The following PRLR variants were observed in gnomAD, a reference collection of about 807,000 sequenced individuals.
PRLR encodes prolactin receptor.
A neutral mutation model predicts 40.2 loss-of-function variants in PRLR; 13 were observed. The observed-to-expected ratio is 0.32, with a 90% CI of 0.21 to 0.51. The LOEUF (loss-of-function observed/expected upper bound fraction) is 0.51, where lower values mean the gene tolerates loss of function less well. Ranked by LOEUF, PRLR falls within the 20% of genes least tolerant of loss-of-function variation. The probability of loss-of-function intolerance (pLI) is 0.97; values close to 1 mark genes in which losing one functional copy is unlikely to be tolerated. For missense variants in PRLR, 656 were observed against 747.3 expected, an observed-to-expected ratio of 0.88 and a Z score of 1.42; for synonymous variants, 269 against 278.7, an observed-to-expected ratio of 0.97 and a Z score of 0.35.
Position 35,063,556 on chromosome 5 carries a change from A to G in PRLR, c.*1533T>C, listed in dbSNP as rs1301491795. The G allele has an allele frequency of 6.6e-6, 1 of 152,180 alleles. No individual in the cohort carries two copies. The highest frequency in any genetic ancestry group is 2.4e-5 in the African/African-American group (1 of 41,436). The allele number at this position is 152,180 out of a possible 1,614,324, so 9.4% of individuals were successfully genotyped here. A position where few individuals can be genotyped will look rare whatever the true frequency, so the allele number is the denominator to read the frequency against. On this transcript the variant is annotated 3_prime_UTR_variant, in exon 10 of 10. Coordinates refer to ENST00000618457, the MANE Select transcript of PRLR (RefSeq NM_000949.7). The stretch of plus-strand genomic sequence containing the variant: ...TTACCTTACTCTGACCTTTGGAGCT[A>G]TTCCCATTGCTCTGGGAAGCAAATA...
In PRLR at chr5:35,062,483, A is replaced by C. The variant is rs1013617220; in HGVS notation, c.*2606T>G. 6.6e-6 allele frequency: 1 copy of C among 152,090 alleles called. No homozygotes were observed. 9.4% of individuals were successfully genotyped at this position (152,090 alleles called of 1,614,324 possible). On this transcript the variant is annotated 3_prime_UTR_variant, in exon 10 of 10. Coordinates refer to ENST00000618457, the MANE Select transcript of PRLR (RefSeq NM_000949.7). ...ACAAAAAAGCTTAATTCAGATAAAC[A>C]GTGCTAATTGATCATAGAATTAAAG...
chr5:35,190,595 A>G (rs760926915), intron 1 of PRLR, among the ~76,000 whole-genome samples: 3 of 148,396 alleles, frequency 2.0e-5, no homozygotes, highest in African/African-American at 7.4e-5. Context: ...CATGGGTGAC[A>G]GACTGAGACT....
At chr5:35,128,091 C>G (rs985059433) in intron 1 of PRLR, among the ~76,000 whole-genome samples, 8 of 151,858 alleles carry the variant, frequency 5.3e-5, no homozygotes, top group African/African-American at 1.5e-4. Flanking sequence ...TGAAAACATC[C>G]TTTTGACTTA....
chr5:35,157,783 C>T (rs555357451), intron 1 of PRLR, among the ~76,000 whole-genome samples: 1 of 152,350 alleles, frequency 6.6e-6, no homozygotes, highest in South Asian at 2.1e-4. Flanking sequence ...CTTGAAAAGA[C>T]ATCTGTCTTC....
At chr5:35,097,016 C>T (rs1771576555) in intron 2 of PRLR, among the ~76,000 whole-genome samples, 1 of 152,166 alleles carries the variant, frequency 6.6e-6, no homozygotes, top group South Asian at 2.1e-4. Context: ...TTAAAAAAAA[C>T]CTTTCTAGAT....
At chr5:35,146,316 A>G (rs771030781) in intron 1 of PRLR, among the ~76,000 whole-genome samples, 4 of 152,154 alleles carry the variant, frequency 2.6e-5, no homozygotes, top group Non-Finnish European at 4.4e-5. Flanking sequence ...AAATAAATCA[A>G]TTGCAATGCA....
chr5:35,110,530 C>G (rs187479427), intron 2 of PRLR, among the ~76,000 whole-genome samples: 1 of 152,100 alleles, frequency 6.6e-6, no homozygotes, highest in Admixed American at 6.6e-5. Flanking sequence ...TTTCCTCACA[C>G]CGCTCTAAAA....
rs972251707 is a variant in PRLR, at chr5:35,086,097, C to A, written c.203+111G>T. The A allele has an allele frequency of 9.7e-5, 131 of 1,350,148 alleles. No homozygotes were observed. The Middle Eastern group carries it at 1.1e-3, about 12-fold the overall frequency. The allele number at this position is 1,350,148 out of a possible 1,614,324, so 83.6% of individuals were successfully genotyped here. On this transcript the variant is annotated intron_variant, in intron 4 of 9. Transcript: ENST00000618457. ...ACTCCCCTTTCCCCGGTGGTATGAA[C>A]CTTACTGGTGTAAATTCAGGGATGT... is the stretch of plus-strand genomic sequence containing the variant.
Position 35,089,577 on chromosome 5 carries a change from A to C in PRLR, c.44T>G (p.Leu15Arg). Residue 15 changes from leucine to arginine, a missense_variant, in exon 3 of 10, where the codon CTT becomes CGT. This residue lies in a region of PRLR where 180 missense variants were observed against 236.8 expected (regional missense o/e 0.76). Transcript: ENST00000618457. ...VASATVFTLL[L>R]FLNTCLLNGQ... ...ATTCAGAAGGCAGGTGTTGAGAAAA[A>C]GTAGCAGAGTGAAAACGGTTGCAGA... 1.2e-6 allele frequency: 2 copies of C among 1,613,726 alleles called. No individual in the cohort carries two copies. Among genetic ancestry groups the C allele is most frequent in the Non-Finnish European group, 1.7e-6 (2 of 1,179,620 alleles).
At chr5:35,218,010 C>T (rs1037176277) in intron 1 of PRLR, among the ~76,000 whole-genome samples, 2 of 152,136 alleles carry the variant, frequency 1.3e-5, no homozygotes, top group Non-Finnish European at 2.9e-5. Context: ...AAGAAACTTA[C>T]ATTATTGGTT....
chr5:35,068,384 T>C, intron 8 of PRLR, 99 bp from the exon 9 acceptor site: 1 of 1,044,936 alleles, frequency 9.6e-7, no homozygotes, highest in East Asian at 2.4e-5. Context: ...GTGATAGAGA[T>C]AGGACTTGGT....
chr5:35,068,206 C>T lies in PRLR; in HGVS notation c.855+10G>A. On this transcript the variant is annotated intron_variant, in intron 9 of 9. Coordinates refer to ENST00000618457, the MANE Select transcript of PRLR (RefSeq NM_000949.7). Reference sequence around the variant, plus strand: ...GAGTCACACTCCATTTTTTTGCCTCCTGTACTTACCTCCAACAGATGAGCA... The same window carrying T: ...GAGTCACACTCCATTTTTTTGCCTCTTGTACTTACCTCCAACAGATGAGCA... 6.2e-7 allele frequency: 1 copy of T among 1,606,462 alleles called. No homozygotes were observed. Among genetic ancestry groups the T allele is most frequent in the Non-Finnish European group, 8.5e-7 (1 of 1,173,154 alleles).
intron 1 of PRLR, among the ~76,000 whole-genome samples, chr5:35,151,111 C>T (rs1171603570): frequency 6.6e-6 from 1 of 152,146 alleles, no homozygotes; most frequent in Non-Finnish European, 1.5e-5. Flanking sequence ...GCTCTCCTTC[C>T]TTTCTGGGTA....
intron 2 of PRLR, among the ~76,000 whole-genome samples, chr5:35,109,224 G>T (rs1335852155): frequency 6.6e-6 from 1 of 152,110 alleles, no homozygotes; most frequent in East Asian, 1.9e-4. Context: ...ACTCAAGATG[G>T]ATTAAAGACT....
intron 2 of PRLR, among the ~76,000 whole-genome samples, chr5:35,110,219 G>A (rs572490869): frequency 6.6e-6 from 1 of 152,150 alleles, no homozygotes; most frequent in Admixed American, 6.5e-5. Flanking sequence ...GCCTGTCATT[G>A]GATGGGGGGA....
intron 1 of PRLR, among the ~76,000 whole-genome samples, chr5:35,219,933 T>C (rs1423099032): frequency 6.6e-6 from 1 of 152,184 alleles, no homozygotes; most frequent in East Asian, 1.9e-4. Flanking sequence ...TCCAGCACTT[T>C]CGCTGGTCCC....
intron 7 of PRLR, 27 bp downstream of exon 7, chr5:35,070,097 T>C: frequency 1.9e-6 from 3 of 1,588,028 alleles, no homozygotes; most frequent in South Asian, 2.3e-5. Context: ...TTTAGGGACA[T>C]AAGCAAAAAA....
chr5:35,065,751 T>G lies in PRLR; in HGVS notation c.1207A>C (p.Ile403Leu), dbSNP rs200726684. The G allele has an allele frequency of 6.2e-7, 1 of 1,614,018 alleles. No homozygotes were observed. The highest frequency in any genetic ancestry group is 2.2e-5 in the East Asian group (1 of 44,850). ...GATCCACCAGCATGAAAATAGGGGATTTTGCCTTCCATGCTTATGCACTGG... is the reference window on the plus strand; with the variant it reads ...GATCCACCAGCATGAAAATAGGGGAGTTTGCCTTCCATGCTTATGCACTGG... Reference protein sequence around the residue: ...DPQCISMEGKIPYFHAGGSKC... With the variant: ...DPQCISMEGKLPYFHAGGSKC... Residue 403 changes from isoleucine (I) to leucine (L), a missense_variant, in exon 10 of 10, where the codon ATC becomes CTC. Physicochemically the swap from Ile to Leu is conservative, Grantham distance 5 (BLOSUM62 2). This residue lies in a region of PRLR where 469 missense variants were observed against 491.5 expected (regional missense o/e 0.95). Coordinates refer to ENST00000618457, the MANE Select transcript of PRLR (RefSeq NM_000949.7).
At chr5:35,153,336 C>T (rs1774391577) in intron 1 of PRLR, among the ~76,000 whole-genome samples, 1 of 152,076 alleles carries the variant, frequency 6.6e-6, no homozygotes, top group Non-Finnish European at 1.5e-5. Context: ...TTTGTCTTGC[C>T]TTCTCATGTT....
Sources: gnomAD v4.1 joint callset for allele counts (sites outside exome capture counted in the v4.1 genomes callset) on GRCh38, gnomAD v4.1.1 for gene constraint, gnomAD v4.1.1 regional missense constraint, MANE v1.5 for transcripts, NCBI Gene and HGNC (gene_info 2026-07-23, HGNC 2026-07-21) for gene names.